C19orf18: variants seen among roughly 807,000 people sequenced by gnomAD.
C19orf18 encodes the protein uncharacterized protein C19orf18.
Under a neutral mutation model 23.3 loss-of-function variants are expected in C19orf18, and 21 were observed. The observed-to-expected ratio is 0.90, with a 90% CI of 0.64 to 1.30. The LOEUF (loss-of-function observed/expected upper bound fraction) is 1.30, where lower values mean the gene tolerates loss of function less well. Ranked by LOEUF, C19orf18 falls within the 50% of genes most tolerant of loss-of-function variation. The probability of loss-of-function intolerance (pLI) is 0.00; values close to 1 mark genes in which losing one functional copy is unlikely to be tolerated. For missense variants in C19orf18, 249 were observed against 259.6 expected (o/e 0.96, Z 0.28); for synonymous variants, 96 against 95.2 (o/e 1.01, Z -0.05).
rs756436134 is a variant in C19orf18, at chr19:57,958,586, C to G, written c.*16G>C. 1 of 1,541,436 alleles carries G rather than the reference C, an allele frequency of 6.5e-7. No individual in the cohort carries two copies. Among genetic ancestry groups the G allele is most frequent in the South Asian group, 1.2e-5 (1 of 85,536 alleles). ...AGTTTCTCCTCTGCCTCAGCCGGCA[C>G]CTCTGTCGTCTGCGTTCACAAGTCT... On this transcript the variant is annotated 3_prime_UTR_variant, in exon 6 of 6. Coordinates refer to ENST00000314391, the MANE Select transcript of C19orf18 (RefSeq NM_152474.5).
intron 3 of C19orf18, among the ~76,000 whole-genome samples, chr19:57,971,439 C>G (rs1858279108): frequency 6.6e-6 from 1 of 151,284 alleles, no homozygotes; most frequent in African/African-American, 2.4e-5. Context: ...CCAAGCCCGC[C>G]TTCCCTACCT....
chr19:57,973,153 A>T (rs1412136516), intron 2 of C19orf18, among the ~76,000 whole-genome samples: 1 of 75,198 alleles, frequency 1.3e-5, no homozygotes, highest in Non-Finnish European at 2.6e-5. Flanking sequence ...CTCAAAAAAA[A>T]AAAAAAAAAA....
In C19orf18 at chr19:57,974,409, G is replaced by A; in HGVS notation, c.24C>T (p.Phe8=). Residue 8 remains phenylalanine (F), a synonymous_variant, in exon 1 of 6, where the codon TTC becomes TTT. Transcript: ENST00000314391. The part of the protein sequence containing the change: MDKVQSG[F]LILFLFLMEC... ...CCATTAAAAACAAAAACAAAATGAG[G>A]AAACCACTCTGAACCTTGTCCATCA... 6.2e-7 allele frequency: 1 copy of A among 1,613,486 alleles called. No individual in the cohort carries two copies. Among genetic ancestry groups the A allele is most frequent in the Non-Finnish European group, 8.5e-7 (1 of 1,179,854 alleles).
chr19:57,965,972 C>CTT (rs2072904390), intron 4 of C19orf18, among the ~76,000 whole-genome samples: 1 of 150,222 alleles, frequency 6.7e-6, no homozygotes, highest in Admixed American at 6.6e-5. Context: ...GTAATATTTT[C>CTT]TTTTCTTTTT....
intron 2 of C19orf18, among the ~76,000 whole-genome samples, chr19:57,973,138 TC>T (rs1035759134): frequency 1.2e-5 from 1 of 86,780 alleles, no homozygotes; most frequent in Non-Finnish European, 2.0e-5. Context: ...AGAGTGAGAC[TC>T]CGTCTCAAAA....
chr19:57,961,314 G>A (rs898239953), intron 5 of C19orf18, 77 bp downstream of exon 5: 2 of 1,396,002 alleles, frequency 1.4e-6, no homozygotes, highest in South Asian at 1.4e-5. Flanking sequence ...AGCCACCGCT[G>A]AGAAAGAAAG....
intron 2 of C19orf18, among the ~76,000 whole-genome samples, chr19:57,973,680 G>C (rs942394453): frequency 1.3e-5 from 2 of 150,424 alleles, no homozygotes; most frequent in African/African-American, 4.9e-5. Context: ...AGCCGAGATC[G>C]CGCCACTGCA....
chr19:57,970,363 T>C (rs950448012), intron 3 of C19orf18, among the ~76,000 whole-genome samples: 3 of 152,216 alleles, frequency 2.0e-5, no homozygotes, highest in Non-Finnish European at 4.4e-5. Context: ...GTTACAATCC[T>C]GCTACAATGT....
intron 5 of C19orf18, 84 bp downstream of exon 5, chr19:57,961,307 C>A: frequency 3.1e-6 from 4 of 1,306,402 alleles, no homozygotes; most frequent in Non-Finnish European, 3.2e-6. Flanking sequence ...AAATGCAAGC[C>A]ACCGCTGAGA....
intron 3 of C19orf18, among the ~76,000 whole-genome samples, chr19:57,969,770 G>A (rs1380977784): frequency 1.3e-5 from 2 of 150,608 alleles, no homozygotes; most frequent in East Asian, 3.9e-4. Flanking sequence ...GCGGGGCATG[G>A]TAATGGGTGC....
intron 3 of C19orf18, 65 bp downstream of exon 3, chr19:57,972,398 C>A (rs1257399153): frequency 5.1e-6 from 8 of 1,578,156 alleles, no homozygotes; most frequent in Non-Finnish European, 6.9e-6. Context: ...CCCTCTGGAG[C>A]CACACATCAC....
intron 5 of C19orf18, 25 bp from the exon 6 acceptor site, chr19:57,958,742 G>A: frequency 7.6e-7 from 1 of 1,313,322 alleles, no homozygotes; most frequent in African/African-American, 1.5e-5. Flanking sequence ...TGATGTTATT[G>A]AGATAGTAAT....
At chr19:57,971,421 A>C (rs1348959247) in intron 3 of C19orf18, among the ~76,000 whole-genome samples, 1 of 152,036 alleles carries the variant, frequency 6.6e-6, no homozygotes, top group South Asian at 2.1e-4. Flanking sequence ...AAATCACTCA[A>C]GCTGATCCCA....
chr19:57,966,768 T>G (rs981676118), intron 3 of C19orf18, 136 bp from the exon 4 acceptor site: 5 of 621,504 alleles, frequency 8.0e-6, no homozygotes, highest in South Asian at 2.0e-5. Flanking sequence ...GTTTTGTTTT[T>G]TTTTGTTTTG....
Position 57,974,311 on chromosome 19 carries a change from C to G in C19orf18, c.121+1G>C, listed in dbSNP as rs779082669. 1.2e-6 allele frequency: 2 copies of G among 1,614,114 alleles called. No individual in the cohort carries two copies. The highest frequency in any genetic ancestry group is 1.7e-6 in the Non-Finnish European group (2 of 1,180,016). On this transcript the variant is annotated splice_donor_variant, in intron 1 of 5. Transcript: ENST00000314391. LOFTEE classifies it high-confidence loss of function. The stretch of plus-strand genomic sequence containing the variant: ...CACATAAAACCAGTGGTTGAAGCTA[C>G]CTGGTAAGCCTGTTATGTTTCCAGT...
intron 4 of C19orf18, among the ~76,000 whole-genome samples, chr19:57,963,302 T>C (rs1600205135): frequency 6.6e-6 from 1 of 152,030 alleles, no homozygotes; most frequent in Middle Eastern, 3.4e-3. Context: ...GTGCTGGGAT[T>C]ACAGGCGTGA....
In C19orf18 at chr19:57,962,960, G is replaced by A. The variant is rs73064277; in HGVS notation, c.372-1409C>T. On this transcript the variant is annotated intron_variant, in intron 4 of 5. Coordinates refer to ENST00000314391, the MANE Select transcript of C19orf18 (RefSeq NM_152474.5). ...TTTGAGTGACAAAAGGGAGGTGCTC[G>A]CCTCAGTGCGAAATGTAAGGAGGTA... 4.8e-3 allele frequency among the ~76,000 whole-genome samples: 726 copies of A among 152,074 alleles called. 2 individuals carry two copies. Among genetic ancestry groups the A allele is most frequent in the Non-Finnish European group, 8.7e-3 (591 of 67,984 alleles).
rs754964590 is a variant in C19orf18 at position 57,974,306 on chromosome 19, A to G, written c.121+6T>C. 7 of 1,614,056 alleles carry G rather than the reference A, an allele frequency of 4.3e-6. No homozygotes were observed. Among genetic ancestry groups the G allele is most frequent in the Non-Finnish European group, 5.9e-6 (7 of 1,180,028 alleles). Reference sequence around the variant, plus strand: ...TGAGTCACATAAAACCAGTGGTTGAAGCTACCTGGTAAGCCTGTTATGTTT... The same window carrying G: ...TGAGTCACATAAAACCAGTGGTTGAGGCTACCTGGTAAGCCTGTTATGTTT... On this transcript the variant is annotated splice_donor_region_variant and intron_variant, in intron 1 of 5. Transcript: ENST00000314391.
At chr19:57,973,586 G>A (rs1195259364) in intron 2 of C19orf18, among the ~76,000 whole-genome samples, 24 of 151,808 alleles carry the variant, frequency 1.6e-4, no homozygotes, top group African/African-American at 5.1e-4. Context: ...TTAGCTTGGC[G>A]TGGTGGCGGG....
Sources: gnomAD v4.1 joint callset for allele counts (sites outside exome capture counted in the v4.1 genomes callset) on GRCh38, gnomAD v4.1.1 for gene constraint, MANE v1.5 for transcripts, NCBI Gene and HGNC (gene_info 2026-07-23, HGNC 2026-07-21) for gene names.